The following HMGCS2 variants were observed in gnomAD, a reference collection of about 807,000 sequenced individuals.
HMGCS2 encodes 3-hydroxy-3-methylglutaryl-CoA synthase 2.
A neutral mutation model predicts 57.4 loss-of-function variants in HMGCS2; 50 were observed. The observed-to-expected ratio is 0.87, with a 90% CI of 0.69 to 1.10. HMGCS2 has a LOEUF of 1.10. HMGCS2 is among the 50% of genes least tolerant of loss of function. The pLI is 0.00. For missense variants in HMGCS2, 627 were observed against 636.5 expected (o/e 0.99, Z 0.16); for synonymous variants, 254 against 245.1 (o/e 1.04, Z -0.34).
At chr1:119,753,636 C>T (rs759698550) in intron 6 of HMGCS2, among the ~76,000 whole-genome samples, 7 of 151,982 alleles carry the variant, frequency 4.6e-5, no homozygotes, top group Non-Finnish European at 8.8e-5. Context: ...AGCTAATATC[C>T]AAGATATATA....
chr1:119,755,331 A>T, intron 6 of HMGCS2, 96 bp downstream of exon 6: 2 of 1,191,830 alleles, frequency 1.7e-6, no homozygotes, highest in Non-Finnish European at 2.5e-6. Context: ...TAAATTTCTG[A>T]GCCAAAAGAG....
chr1:119,756,224 T>C lies in HMGCS2; in HGVS notation c.1017-627A>G, dbSNP rs587626383. ...TTTTAAAAAGACTATCTAGAGAAAA[T>C]GGTAACTTGAGTAAACTTTTTATTA... On this transcript the variant is annotated intron_variant, in intron 5 of 9. Coordinates refer to ENST00000369406, the MANE Select transcript of HMGCS2 (RefSeq NM_005518.4). Among the ~76,000 whole-genome samples the C allele has an allele frequency of 6.5e-4, 99 of 152,298 alleles. No individual in the cohort carries two copies. In the South Asian group the frequency reaches 0.014, roughly 22 times the overall value.
chr1:119,755,884 T>A (rs587594298), intron 5 of HMGCS2, among the ~76,000 whole-genome samples: 2 of 103,260 alleles, frequency 1.9e-5, no homozygotes. Flanking sequence ...CTTTCTTAAC[T>A]TAGTGTGTGT....
rs79911180 is a variant in HMGCS2 at position 119,753,216 on chromosome 1, A to T, written c.1294+64T>A. 1.1e-3 allele frequency: 1,081 copies of T among 960,424 alleles called. 11 individuals carry two copies. The East Asian group carries it at 0.021, about 19-fold the overall frequency. 59.5% of individuals were successfully genotyped at this position (960,424 alleles called of 1,614,324 possible). A position where few individuals can be genotyped will look rare whatever the true frequency, so the allele number is the denominator to read the frequency against. ...GATGGCAGCCTCAGTAATGGTGGGG[A>T]AGAAGATGGTTATTCTACCAGATGA... On this transcript the variant is annotated intron_variant, in intron 7 of 9. Coordinates refer to ENST00000369406, the MANE Select transcript of HMGCS2 (RefSeq NM_005518.4).
In HMGCS2 at chr1:119,753,410, AACACACAC is replaced by A. The variant is rs71074435; in HGVS notation, c.1188-32_1188-25del. On this transcript the variant is annotated intron_variant, in intron 6 of 9. Transcript: ENST00000369406. The stretch of plus-strand genomic sequence containing the variant: ...GGCTGTGGGGAAAGAAATCAAATAA[AACACACAC>A]ACACACACACACACACACACACACA... 5.7e-3 allele frequency: 4,250 copies of A among 746,952 alleles called. 27 individuals carry two copies. Among genetic ancestry groups the A allele is most frequent in the East Asian group, 0.053 (2,076 of 39,224 alleles). The allele number at this position is 746,952 out of a possible 1,614,324, so 46.3% of individuals were successfully genotyped here.
intron 5 of HMGCS2, among the ~76,000 whole-genome samples, chr1:119,756,421 G>A (rs985287986): frequency 2.7e-4 from 41 of 151,690 alleles, no homozygotes; most frequent in Admixed American, 2.5e-3. Flanking sequence ...TTTTTGTTTC[G>A]ATAGGGCTGG....
intron 9 of HMGCS2, among the ~76,000 whole-genome samples, chr1:119,749,399 C>G (rs587701555): frequency 9.6e-5 from 9 of 94,000 alleles, no homozygotes; most frequent in East Asian, 7.9e-4. Flanking sequence ...TTTCCCCCCT[C>G]CCTCCCTATT....
In HMGCS2 at chr1:119,759,893, C is replaced by T. The variant is rs761456576; in HGVS notation, c.656G>A (p.Gly219Glu). ...GGAGAVAMLI[G>E]PKAPLALERG... ...CTCCAGGGCCAGAGGGGCCTTGGGC[C>T]CAATCAGCATAGCCACAGCTCCGGC... Residue 219 changes from glycine to glutamate, a missense_variant, in exon 3 of 10, where the codon GGG becomes GAG. Coordinates refer to ENST00000369406, the MANE Select transcript of HMGCS2 (RefSeq NM_005518.4). The T allele has an allele frequency of 8.7e-6, 14 of 1,614,040 alleles. No individual in the cohort carries two copies. The highest frequency in any genetic ancestry group is 1.2e-5 in the Non-Finnish European group (14 of 1,180,030).
intron 6 of HMGCS2, 77 bp downstream of exon 6, chr1:119,755,350 C>A: frequency 1.4e-6 from 2 of 1,418,632 alleles, no homozygotes; most frequent in Non-Finnish European, 2.0e-6. Context: ...AGAAACCCAA[C>A]TTTGTTGACC....
At position 119,759,999 on chromosome 1, in the gene HMGCS2, G is replaced by C; in HGVS notation, c.560-10C>G. 6.2e-7 allele frequency: 1 copy of C among 1,613,306 alleles called. No individual in the cohort carries two copies. Among genetic ancestry groups the C allele is most frequent in the Non-Finnish European group, 8.5e-7 (1 of 1,179,418 alleles). The stretch of plus-strand genomic sequence containing the variant: ...ACCATGGCATAACGACCTGTAAAGA[G>C]AAACAAGAAATATTTACCATCATTA... On this transcript the variant is annotated splice_polypyrimidine_tract_variant and intron_variant, in intron 2 of 9. Transcript: ENST00000369406.
intron 6 of HMGCS2, among the ~76,000 whole-genome samples, chr1:119,754,834 A>T (rs1028310878): frequency 5.9e-5 from 9 of 152,206 alleles, no homozygotes; most frequent in African/African-American, 2.2e-4. Flanking sequence ...AAAAATATGC[A>T]TACCAAAGCT....
intron 6 of HMGCS2, 121 bp downstream of exon 6, chr1:119,755,306 C>A: frequency 1.0e-6 from 1 of 978,354 alleles, no homozygotes. Flanking sequence ...CTACACCAGG[C>A]CCCTTCCTTT....
intron 2 of HMGCS2, among the ~76,000 whole-genome samples, chr1:119,761,081 G>A (rs1167875040): frequency 6.7e-6 from 1 of 149,232 alleles, no homozygotes; most frequent in Admixed American, 6.7e-5. Flanking sequence ...GCATGTGTGT[G>A]TGTGTATATA....
intron 6 of HMGCS2, among the ~76,000 whole-genome samples, chr1:119,753,654 G>A (rs1251714601): frequency 2.6e-5 from 4 of 152,120 alleles, no homozygotes; most frequent in Non-Finnish European, 4.4e-5. Context: ...ATAAGGCAGA[G>A]AAAACACAAG....
In HMGCS2 at chr1:119,757,408, T is replaced by G; in HGVS notation, c.881A>C (p.Asp294Ala). 1 of 1,613,970 alleles carries G rather than the reference T, an allele frequency of 6.2e-7. No homozygotes were observed. Among genetic ancestry groups the G allele is most frequent in the Non-Finnish European group, 8.5e-7 (1 of 1,179,982 alleles). Residue 294 changes from aspartate to alanine, a missense_variant, in exon 5 of 10, where the codon GAT (aspartate) becomes GCT (alanine). Physicochemically the swap from Asp to Ala is moderately radical, Grantham distance 126. Transcript: ENST00000369406. Reference protein sequence around the residue: ...AGSDRPFTLDDLQYMIFHTPF... With the variant: ...AGSDRPFTLDALQYMIFHTPF... The stretch of plus-strand genomic sequence containing the variant: ...TGTATGAAAGATCATGTACTGTAAA[T>G]CGTCAAGGGTGAAGGGTCGATCGCT...
intron 2 of HMGCS2, among the ~76,000 whole-genome samples, chr1:119,761,872 C>A (rs1385788416): frequency 6.6e-6 from 1 of 151,958 alleles, no homozygotes; most frequent in Non-Finnish European, 1.5e-5. Flanking sequence ...AAACGCAAAT[C>A]AAAAACATTA....
intron 4 of HMGCS2, 100 bp downstream of exon 4, chr1:119,759,018 T>C (rs1652943256): frequency 8.5e-7 from 1 of 1,169,712 alleles, no homozygotes; most frequent in Non-Finnish European, 1.3e-6. Context: ...CTTGACATTA[T>C]TTTCAAGGCA....
chr1:119,768,563 A>G (rs184236751), intron 1 of HMGCS2, among the ~76,000 whole-genome samples, 178 bp downstream of exon 1: 67 of 152,314 alleles, frequency 4.4e-4, no homozygotes, highest in Non-Finnish European at 8.2e-4. Flanking sequence ...TCTACAGCTG[A>G]AAGGGATTGT....
intron 1 of HMGCS2, among the ~76,000 whole-genome samples, chr1:119,768,274 C>G (rs1337268615): frequency 6.6e-5 from 10 of 152,332 alleles, no homozygotes; most frequent in Admixed American, 5.9e-4. Context: ...CACATTTCCC[C>G]TTTTCATAAA....
Sources: allele counts gnomAD v4.1 joint callset (sites outside exome capture counted in the v4.1 genomes callset), GRCh38; gene constraint gnomAD v4.1.1; transcripts MANE v1.5; gene names NCBI Gene and HGNC (gene_info 2026-07-23, HGNC 2026-07-21).